ZNG1E: variants seen among roughly 807,000 people sequenced by gnomAD.
ZNG1E encodes zinc-regulated GTPase metalloprotein activator 1E.
the ZNG1E span, among the ~76,000 whole-genome samples, chr9:65,662,899 G>T: frequency 6.6e-6 from 1 of 151,892 alleles, no homozygotes; most frequent in African/African-American, 2.4e-5. Flanking sequence ...TATAGGTCAC[G>T]ATGTTATTTG....
At chr9:65,728,512 T>G in the ZNG1E span, among the ~76,000 whole-genome samples, 19 of 148,476 alleles carry the variant, frequency 1.3e-4, 2 homozygotes, top group African/African-American at 4.9e-4. Context: ...AAAATCCAAA[T>G]AAGCTCAAGA....
At chr9:65,675,744 C>T in the ZNG1E span, 2 of 735,004 alleles carry the variant, frequency 2.7e-6, no homozygotes. Context: ...AGAACACGCC[C>T]AGGGGCGTGT....
the ZNG1E span, among the ~76,000 whole-genome samples, chr9:65,658,649 G>A: frequency 9.4e-5 from 14 of 149,564 alleles, no homozygotes; most frequent in South Asian, 2.1e-4. Context: ...TTAAAATACC[G>A]ATATATTAGT....
chr9:65,719,819 C>T, the ZNG1E span: 2 of 589,592 alleles, frequency 3.4e-6, no homozygotes, highest in East Asian at 2.8e-5. Context: ...TTATTCTGTG[C>T]ATATGTATAT....
the ZNG1E span, chr9:65,682,358 A>C: frequency 1.3e-5 from 2 of 151,178 alleles, no homozygotes; most frequent in African/African-American, 4.9e-5. Flanking sequence ...AAAACCTTGC[A>C]TCCTAATGTA....
chr9:65,676,401 T>TA, the ZNG1E span, among the ~76,000 whole-genome samples: 1 of 136,612 alleles, frequency 7.3e-6, no homozygotes, highest in Non-Finnish European at 1.5e-5. Context: ...CACGCCCCCC[T>TA]AATTGTCTCT....
At chr9:65,694,148 T>C in the ZNG1E span, among the ~76,000 whole-genome samples, 9 of 151,142 alleles carry the variant, frequency 6.0e-5, no homozygotes, top group East Asian at 1.7e-3. Flanking sequence ...GAAATCATAT[T>C]TCTTGAAAAA....
chr9:65,704,422 T>C, the ZNG1E span: 1 of 342,582 alleles, frequency 2.9e-6, no homozygotes, highest in Non-Finnish European at 3.3e-6. Context: ...AGTGTATGGT[T>C]CTTGCCAATG....
the ZNG1E span, among the ~76,000 whole-genome samples, chr9:65,659,150 AG>A: frequency 6.6e-6 from 1 of 152,196 alleles, no homozygotes; most frequent in Non-Finnish European, 1.5e-5. Flanking sequence ...GTTTCTCACC[AG>A]CAATTTGGGA....
the ZNG1E span, among the ~76,000 whole-genome samples, chr9:65,727,701 A>G: frequency 8.1e-3 from 719 of 89,064 alleles, no homozygotes; most frequent in South Asian, 0.013. Flanking sequence ...ACAGGAAAGT[A>G]TCACAATCCT....
chr9:65,704,926 A>AG, the ZNG1E span: 1 of 134,846 alleles, frequency 7.4e-6, no homozygotes, highest in Non-Finnish European at 1.6e-5. Context: ...AAAAAAAAAA[A>AG]CAAACAAAAA....
chr9:65,662,638 G>GAAAC, the ZNG1E span, among the ~76,000 whole-genome samples: 47 of 150,290 alleles, frequency 3.1e-4, no homozygotes, highest in East Asian at 2.2e-3. Flanking sequence ...AATTAATGGT[G>GAAAC]AAGTGGTGAC....
the ZNG1E span, among the ~76,000 whole-genome samples, chr9:65,717,652 A>C: frequency 4.7e-4 from 71 of 149,534 alleles, 4 homozygotes; most frequent in African/African-American, 1.5e-3. Context: ...CAAGGGGAAC[A>C]AATGAAACAA....
the ZNG1E span, among the ~76,000 whole-genome samples, chr9:65,657,762 G>A: frequency 2.6e-5 from 4 of 152,278 alleles, no homozygotes; most frequent in Non-Finnish European, 5.9e-5. Context: ...TTGAGGCAAC[G>A]GATATACCAT....
At chr9:65,661,042 G>A in the ZNG1E span, among the ~76,000 whole-genome samples, 1 of 147,738 alleles carries the variant, frequency 6.8e-6, no homozygotes, top group Admixed American at 6.8e-5. Flanking sequence ...GTGGAAACTT[G>A]GGCCATGTAC....
At chr9:65,712,081 T>G in the ZNG1E span, among the ~76,000 whole-genome samples, 7 of 147,844 alleles carry the variant, frequency 4.7e-5, no homozygotes, top group Non-Finnish European at 8.9e-5. Flanking sequence ...GTTTAGTCTT[T>G]GGAGGGTGTA....
the ZNG1E span, among the ~76,000 whole-genome samples, chr9:65,663,613 C>T: frequency 0.1 from 13,256 of 131,484 alleles, 3 homozygotes; most frequent in Non-Finnish European, 0.12. Flanking sequence ...TTTCCAACAT[C>T]TCACCTTTAA....
chr9:65,665,489 G>A, the ZNG1E span, among the ~76,000 whole-genome samples: 3 of 152,212 alleles, frequency 2.0e-5, no homozygotes, highest in Non-Finnish European at 4.4e-5. Flanking sequence ...AGATGTAGAA[G>A]TTTGCTGTAG....
At chr9:65,664,106 CT>C in the ZNG1E span, among the ~76,000 whole-genome samples, 1 of 152,138 alleles carries the variant, frequency 6.6e-6, no homozygotes, top group Non-Finnish European at 1.5e-5. Flanking sequence ...CCTTATATCA[CT>C]TATAATTGTT....
Sources: allele counts gnomAD v4.1 joint callset (sites outside exome capture counted in the v4.1 genomes callset), GRCh38; gene constraint gnomAD v4.1.1; transcripts MANE v1.5; gene names NCBI Gene and HGNC (gene_info 2026-07-23, HGNC 2026-07-21).